SLIT2: variants seen among roughly 807,000 people sequenced by gnomAD.
The protein encoded by SLIT2 is slit guidance ligand 2.
In SLIT2, 41 loss-of-function variants were observed where a neutral mutation model predicts 185.7. The observed-to-expected ratio is 0.22, with a 90% confidence interval of 0.17 to 0.29. The LOEUF (loss-of-function observed/expected upper bound fraction) is 0.29, where lower values mean the gene tolerates loss of function less well. Ranked by LOEUF, SLIT2 falls within the 10% of genes least tolerant of loss-of-function variation. The probability of loss-of-function intolerance (pLI) is 1.00; values close to 1 mark genes in which losing one functional copy is unlikely to be tolerated. For synonymous variants in SLIT2, 693 were observed against 680.2 expected (o/e 1.02, Z -0.29); for missense variants, 1,571 against 1,909.0 (o/e 0.82, Z 3.30).
chr4:20,411,463 G>A (rs552899181), intron 4 of SLIT2, among the ~76,000 whole-genome samples: 2 of 152,246 alleles, frequency 1.3e-5, no homozygotes, highest in South Asian at 4.1e-4. Context: ...CAAAGCCAGG[G>A]GGTCTGGCTT....
At chr4:20,534,101 C>A (rs905626666) in intron 18 of SLIT2, among the ~76,000 whole-genome samples, 1 of 152,136 alleles carries the variant, frequency 6.6e-6, no homozygotes, top group Non-Finnish European at 1.5e-5. Context: ...ATCTGACTAC[C>A]CTGTCCTGCC....
intron 4 of SLIT2, among the ~76,000 whole-genome samples, chr4:20,319,811 CA>C (rs796312560): frequency 3.7e-4 from 18 of 48,074 alleles, no homozygotes; most frequent in Non-Finnish European, 6.5e-4. Context: ...AAAAACAAAA[CA>C]AAAAAAAAAC....
At chr4:20,457,331 C>T (rs969014095) in intron 4 of SLIT2, among the ~76,000 whole-genome samples, 3 of 151,834 alleles carry the variant, frequency 2.0e-5, no homozygotes, top group African/African-American at 4.8e-5. Context: ...AGGAAGACTA[C>T]TCCAGTATTA....
At chr4:20,312,786 A>AG (rs1718237734) in intron 4 of SLIT2, among the ~76,000 whole-genome samples, 1 of 137,552 alleles carries the variant, frequency 7.3e-6, no homozygotes, top group Non-Finnish European at 1.6e-5. Flanking sequence ...AAAAAAAAAA[A>AG]AAAAAAAGAA....
chr4:20,398,126 T>A lies in SLIT2; in HGVS notation c.396-69626T>A, dbSNP rs552231759. Among the ~76,000 whole-genome samples the A allele has an allele frequency of 5.5e-4, 83 of 151,792 alleles. 1 individual carries two copies. The highest frequency in any genetic ancestry group is 9.4e-4 in the Non-Finnish European group (64 of 67,808). On this transcript the variant is annotated intron_variant, in intron 4 of 36. Coordinates refer to ENST00000504154, the MANE Select transcript of SLIT2 (RefSeq NM_004787.4). ...AAGCTCTTAACAGATGAAGTGATGG[T>A]GGAGTTATTAGTGCAAAGACAGCTG...
chr4:20,421,772 A>T (rs1198271905), intron 4 of SLIT2, among the ~76,000 whole-genome samples: 1 of 152,180 alleles, frequency 6.6e-6, no homozygotes, highest in Admixed American at 6.5e-5. Context: ...TCTGATGTCA[A>T]GAGGCTCTAA....
At chr4:20,444,559 A>C (rs990794205) in intron 4 of SLIT2, among the ~76,000 whole-genome samples, 1 of 152,158 alleles carries the variant, frequency 6.6e-6, no homozygotes, top group East Asian at 1.9e-4. Flanking sequence ...AGCTTCATCA[A>C]CTGTAAACAG....
At chr4:20,473,705 T>C (rs1215050106) in intron 5 of SLIT2, among the ~76,000 whole-genome samples, 5 of 151,986 alleles carry the variant, frequency 3.3e-5, no homozygotes, top group African/African-American at 1.2e-4. Context: ...TATTTTTAAT[T>C]TTTTCTCATT....
At chr4:20,457,946 G>A (rs1377664726) in intron 4 of SLIT2, among the ~76,000 whole-genome samples, 1 of 152,070 alleles carries the variant, frequency 6.6e-6, no homozygotes, top group Non-Finnish European at 1.5e-5. Flanking sequence ...TTTTTTCCTA[G>A]TTAGAGAAAA....
At chr4:20,570,183 A>AAAGC (rs573790433) in intron 29 of SLIT2, among the ~76,000 whole-genome samples, 180 of 152,158 alleles carry the variant, frequency 1.2e-3, no homozygotes, top group African/African-American at 4.1e-3. Flanking sequence ...AATGTCATGT[A>AAAGC]AAGCAGTAAT....
At position 20,541,450 on chromosome 4, in the gene SLIT2, T is replaced by C. The variant is rs774974701; in HGVS notation, c.1977-3T>C. ...CTGTGCATCGTTTGCCTGTGGCTCT[T>C]AGAAACCTCTTGGCCAATCCTTTTA... On this transcript the variant is annotated splice_region_variant and splice_polypyrimidine_tract_variant and intron_variant, in intron 19 of 36. Transcript: ENST00000504154. 1 of 1,613,742 alleles carries C rather than the reference T, an allele frequency of 6.2e-7. No individual in the cohort carries two copies. The highest frequency in any genetic ancestry group is 8.5e-7 in the Non-Finnish European group (1 of 1,179,784).
intron 1 of SLIT2, among the ~76,000 whole-genome samples, chr4:20,255,532 C>T (rs1711720973): frequency 6.6e-6 from 1 of 152,116 alleles, no homozygotes; most frequent in African/African-American, 2.4e-5. Context: ...CTCTGCTTAG[C>T]ATGGAGAAGT....
intron 4 of SLIT2, among the ~76,000 whole-genome samples, chr4:20,402,146 A>G (rs904448083): frequency 7.3e-5 from 11 of 151,714 alleles, no homozygotes; most frequent in Non-Finnish European, 1.3e-4. Flanking sequence ...TGGTCCTGGA[A>G]GTATGGGCAG....
intron 4 of SLIT2, among the ~76,000 whole-genome samples, chr4:20,436,701 A>G (rs1196514012): frequency 6.6e-6 from 1 of 152,200 alleles, no homozygotes; most frequent in Non-Finnish European, 1.5e-5. Context: ...TAATTTCTTC[A>G]TGAGTAGTTG....
At chr4:20,501,012 C>T (rs536521056) in intron 9 of SLIT2, among the ~76,000 whole-genome samples, 2 of 152,078 alleles carry the variant, frequency 1.3e-5, no homozygotes, top group African/African-American at 4.8e-5. Context: ...GTTAGAAAAA[C>T]AAAATGCAAT....
chr4:20,255,726 T>C (rs1711746330), intron 1 of SLIT2, among the ~76,000 whole-genome samples: 1 of 152,184 alleles, frequency 6.6e-6, no homozygotes, highest in Non-Finnish European at 1.5e-5. Context: ...TGAAAAAATA[T>C]ACATCCTTAT....
intron 4 of SLIT2, among the ~76,000 whole-genome samples, chr4:20,379,666 A>G (rs1431023968): frequency 6.6e-6 from 1 of 152,292 alleles, no homozygotes; most frequent in East Asian, 1.9e-4. Context: ...AATGACAGGA[A>G]TGGGATTTAC....
intron 26 of SLIT2, chr4:20,554,200 A>G: frequency 1.7e-6 from 1 of 590,230 alleles, no homozygotes; most frequent in Non-Finnish European, 3.1e-6. Context: ...TTTTCTTGAA[A>G]GTGTATCAAA....
chr4:20,354,906 T>TGAGAGAGA (rs35761202), intron 4 of SLIT2, among the ~76,000 whole-genome samples: 2 of 76,998 alleles, frequency 2.6e-5, no homozygotes, highest in South Asian at 5.3e-4. Context: ...TGTGTGTGTG[T>TGAGAGAGA]GAGAGAGAGA....
Sources: allele counts gnomAD v4.1 joint callset (sites outside exome capture counted in the v4.1 genomes callset), GRCh38; gene constraint gnomAD v4.1.1; transcripts MANE v1.5; gene names NCBI Gene and HGNC (gene_info 2026-07-23, HGNC 2026-07-21).